The following ZDHHC7 variants were observed in gnomAD, a reference collection of about 807,000 sequenced individuals.
ZDHHC7 encodes palmitoyltransferase ZDHHC7.
A neutral mutation model predicts 34.1 loss-of-function variants in ZDHHC7; 12 were observed. The ratio of observed to expected loss-of-function variants is 0.35; its 90% CI spans 0.23 to 0.57. The LOEUF is 0.57. Ranked by LOEUF, ZDHHC7 falls within the 20% of genes least tolerant of loss-of-function variation. The pLI, the probability that ZDHHC7 is intolerant of heterozygous loss-of-function variation, is 0.84. For synonymous variants in ZDHHC7, 185 were observed against 155.4 expected (o/e 1.19, Z -1.42); for missense variants, 388 against 402.7 (o/e 0.96, Z 0.31).
the ZDHHC7 span, among the ~76,000 whole-genome samples, chr16:85,021,806 G>C: frequency 7.9e-5 from 12 of 151,610 alleles, no homozygotes; most frequent in East Asian, 2.3e-3. Flanking sequence ...GGGAGGGGAG[G>C]AGGAGGAGAG....
intron 1 of ZDHHC7, among the ~76,000 whole-genome samples, chr16:85,009,148 CTA>C (rs1317660506): frequency 6.6e-6 from 1 of 151,916 alleles, no homozygotes; most frequent in African/African-American, 2.4e-5. Flanking sequence ...ATCACGAAAA[CTA>C]TTCAATGTTC....
chr16:84,987,460 T>G (rs80158454), intron 3 of ZDHHC7, among the ~76,000 whole-genome samples: 1 of 151,234 alleles, frequency 6.6e-6, no homozygotes, highest in Non-Finnish European at 1.5e-5. Context: ...TTTTTTTTTT[T>G]CATCATTCCC....
intron 3 of ZDHHC7, among the ~76,000 whole-genome samples, chr16:84,988,226 C>A (rs548868395): frequency 6.6e-6 from 1 of 151,840 alleles, no homozygotes; most frequent in Non-Finnish European, 1.5e-5. Context: ...TGAGTGGTTG[C>A]CAGGGGCAGA....
At chr16:85,003,143 G>A (rs1174241816) in intron 1 of ZDHHC7, among the ~76,000 whole-genome samples, 1 of 152,150 alleles carries the variant, frequency 6.6e-6, no homozygotes, top group African/African-American at 2.4e-5. Context: ...AGAGTCCAGG[G>A]GGCAGGAGGA....
intron 1 of ZDHHC7, among the ~76,000 whole-genome samples, chr16:85,006,870 C>T (rs781651228): frequency 8.6e-5 from 13 of 150,962 alleles, no homozygotes; most frequent in Non-Finnish European, 1.6e-4. Context: ...ATATGGTGCT[C>T]CTTTGGATTC....
chr16:85,026,005 T>G, the ZDHHC7 span, among the ~76,000 whole-genome samples: 1 of 152,324 alleles, frequency 6.6e-6, no homozygotes, highest in African/African-American at 2.4e-5. Context: ...TCTTCCTCTT[T>G]TAAAAAATGG....
intron 3 of ZDHHC7, among the ~76,000 whole-genome samples, chr16:84,989,539 T>C (rs1054186762): frequency 2.0e-5 from 3 of 151,690 alleles, no homozygotes; most frequent in African/African-American, 4.8e-5. Context: ...CTACTAAATA[T>C]ACAAAATTAG....
At chr16:84,979,620 A>G (rs1350928335) in intron 4 of ZDHHC7, among the ~76,000 whole-genome samples, 2 of 152,150 alleles carry the variant, frequency 1.3e-5, no homozygotes, top group Non-Finnish European at 2.9e-5. Context: ...GTCTATTTCA[A>G]TAAAAAACAA....
upstream of ZDHHC7, chr16:85,011,542 G>A (rs548537692): frequency 2.6e-5 from 4 of 152,382 alleles, no homozygotes; most frequent in African/African-American, 9.6e-5. Context: ...AAGTGAACCC[G>A]ACGAGGTCAG....
intron 4 of ZDHHC7, 130 bp from the exon 5 acceptor site, chr16:84,979,415 C>T: frequency 7.7e-7 from 1 of 1,297,308 alleles, no homozygotes; most frequent in Non-Finnish European, 1.0e-6. Context: ...AAATATCATA[C>T]ATTCTCACTA....
chr16:85,019,815 C>G, the ZDHHC7 span, among the ~76,000 whole-genome samples: 1 of 152,180 alleles, frequency 6.6e-6, no homozygotes, highest in African/African-American at 2.4e-5. Context: ...CTTTTCTAGA[C>G]AAACAGGACC....
At chr16:85,002,485 G>A (rs144175219) in intron 1 of ZDHHC7, among the ~76,000 whole-genome samples, 3,113 of 152,054 alleles carry the variant, frequency 0.02, 54 homozygotes, top group Middle Eastern at 0.034. Context: ...TATCAAACAA[G>A]TCCCAAGAGA....
the ZDHHC7 span, among the ~76,000 whole-genome samples, chr16:85,018,857 T>C: frequency 6.6e-6 from 1 of 152,144 alleles, no homozygotes; most frequent in African/African-American, 2.4e-5. Flanking sequence ...TGGGTTCTTA[T>C]TTTTCCCACC....
chr16:85,023,767 C>T, the ZDHHC7 span, among the ~76,000 whole-genome samples: 2 of 151,766 alleles, frequency 1.3e-5, no homozygotes, highest in African/African-American at 2.4e-5. Context: ...TACAGGCATG[C>T]GCCACCATGC....
At chr16:85,000,884 G>C (rs1033701982) in intron 1 of ZDHHC7, among the ~76,000 whole-genome samples, 8 of 152,218 alleles carry the variant, frequency 5.3e-5, no homozygotes, top group Non-Finnish European at 1.2e-4. Flanking sequence ...AGCAAAGTGT[G>C]ATCAGGGAGA....
In ZDHHC7 at chr16:84,975,869, G is replaced by C. The variant is rs1010206132; in HGVS notation, c.*474C>G. On this transcript the variant is annotated 3_prime_UTR_variant, in exon 8 of 8. Coordinates refer to ENST00000313732, the MANE Select transcript of ZDHHC7 (RefSeq NM_017740.3). ...TTTGCAACTTCAGTGCAAAGCATCG[G>C]AGCTAATCGAGACCAAAACGTCTTT... The C allele has an allele frequency of 1.8e-5, 3 of 171,342 alleles. No homozygotes were observed. Among genetic ancestry groups the C allele is most frequent in the African/African-American group, 7.2e-5 (3 of 41,536 alleles). The allele number at this position is 171,342 out of a possible 1,614,324, so 10.6% of individuals were successfully genotyped here.
intron 1 of ZDHHC7, among the ~76,000 whole-genome samples, chr16:85,009,858 A>C (rs953688589): frequency 2.0e-5 from 3 of 151,282 alleles, no homozygotes; most frequent in Non-Finnish European, 4.4e-5. Context: ...ACAGGCGCCC[A>C]CCACCATGCC....
chr16:84,984,987 G>A lies in ZDHHC7; in HGVS notation c.316-2993C>T, dbSNP rs79692919. On this transcript the variant is annotated intron_variant, in intron 3 of 7. Transcript: ENST00000313732. Reference sequence around the variant, plus strand: ...CCATGGGGCATTCTTCTTCCCACCAGAACAAACCTTCCAAGTAATTGAGCA... The same window carrying A: ...CCATGGGGCATTCTTCTTCCCACCAAAACAAACCTTCCAAGTAATTGAGCA... Among the ~76,000 whole-genome samples, 582 of 152,318 alleles carry A rather than the reference G, an allele frequency of 3.8e-3. 3 individuals are homozygous for A. Among genetic ancestry groups the A allele is most frequent in the African/African-American group, 0.013 (547 of 41,570 alleles).
upstream of ZDHHC7, among the ~76,000 whole-genome samples, chr16:85,012,136 C>G (rs900022940): frequency 2.0e-5 from 3 of 152,166 alleles, no homozygotes; most frequent in East Asian, 1.9e-4. Context: ...AACTCCAGCA[C>G]TTTGGGAAGC....
Sources: gnomAD v4.1 joint callset for allele counts (sites outside exome capture counted in the v4.1 genomes callset) on GRCh38, gnomAD v4.1.1 for gene constraint, MANE v1.5 for transcripts, NCBI Gene and HGNC (gene_info 2026-07-23, HGNC 2026-07-21) for gene names.